Variants in DTL observed in about 807,000 individuals in gnomAD.
The protein encoded by DTL is denticleless protein homolog.
In DTL, 46 loss-of-function variants were observed where a neutral mutation model predicts 87.0. The observed-to-expected ratio is 0.53, with a 90% CI of 0.42 to 0.68. The LOEUF (loss-of-function observed/expected upper bound fraction) is 0.68, where lower values mean the gene tolerates loss of function less well. Ranked by LOEUF, DTL falls within the 30% of genes least tolerant of loss-of-function variation. The probability of loss-of-function intolerance (pLI) is 0.00; values close to 1 mark genes in which losing one functional copy is unlikely to be tolerated. For synonymous variants in DTL, 308 were observed against 311.2 expected (o/e 0.99, Z 0.11); for missense variants, 737 against 869.4 (o/e 0.85, Z 1.91).
chr1:212,050,169 T>C (rs1165747238), intron 5 of DTL, among the ~76,000 whole-genome samples: 1 of 152,132 alleles, frequency 6.6e-6, no homozygotes, highest in Non-Finnish European at 1.5e-5. Flanking sequence ...AGACCCAGTC[T>C]CAAAATAAAT....
intron 7 of DTL, among the ~76,000 whole-genome samples, chr1:212,065,579 C>T (rs749294962): frequency 3.3e-5 from 5 of 151,970 alleles, no homozygotes; most frequent in Non-Finnish European, 7.4e-5. Context: ...CAAACACACC[C>T]CTATAGTATA....
chr1:212,060,252 TA>T, intron 5 of DTL, among the ~76,000 whole-genome samples: 1 of 151,986 alleles, frequency 6.6e-6, no homozygotes, highest in East Asian at 1.9e-4. Flanking sequence ...ATATAATAAC[TA>T]AAACAGCATG....
intron 10 of DTL, among the ~76,000 whole-genome samples, chr1:212,069,198 AC>A (rs1199867796): frequency 6.6e-6 from 1 of 151,696 alleles, no homozygotes; most frequent in African/African-American, 2.4e-5. Flanking sequence ...AGAATCTGAT[AC>A]TTAAAACTAA....
At chr1:212,090,291 A>G (rs1209955165) in intron 13 of DTL, among the ~76,000 whole-genome samples, 1 of 152,220 alleles carries the variant, frequency 6.6e-6, no homozygotes, top group Non-Finnish European at 1.5e-5. Flanking sequence ...TAGGAGTGAA[A>G]AACACAGGGT....
chr1:212,096,347 TTTG>T (rs141760209), intron 13 of DTL, among the ~76,000 whole-genome samples: 68,293 of 151,640 alleles, frequency 0.45, 15,655 homozygotes, highest in East Asian at 0.61. Context: ...TCTTTTGTAT[TTTG>T]TTGTTGTTGT....
intron 11 of DTL, 62 bp from the exon 12 acceptor site, chr1:212,078,111 A>G: frequency 2.0e-6 from 2 of 988,558 alleles, no homozygotes; most frequent in South Asian, 1.3e-5. Flanking sequence ...TCTGAATTCA[A>G]AGGCCTCTAT....
rs1321246377 is a variant in DTL at position 212,100,330 on chromosome 1, C to A, written c.1340C>A (p.Ser447Tyr). Reference sequence around the variant, plus strand: ...AATCCATCCAATTCTTCCCCGTCATCCGCAGCTTGTGCCCCAAGCTGTGCT... The same window carrying A: ...AATCCATCCAATTCTTCCCCGTCATACGCAGCTTGTGCCCCAAGCTGTGCT... ...KCNPSNSSPSSAACAPSCAGD... is the reference protein window; with the variant it reads ...KCNPSNSSPSYAACAPSCAGD... The change falls in exon 14 of 15, where the codon TCC becomes TAC. Residue 447 changes from serine (S) to tyrosine (Y), a missense_variant. By Grantham distance (144) the Ser-to-Tyr change is moderately radical (BLOSUM62 -2). Transcript: ENST00000366991. 2 of 1,613,390 alleles carry A rather than the reference C, an allele frequency of 1.2e-6. No individual in the cohort carries two copies. The highest frequency in any genetic ancestry group is 1.7e-4 in the Middle Eastern group (1 of 6,060).
At position 212,058,822 on chromosome 1, in the gene DTL, G is replaced by C. The variant is rs565059017; in HGVS notation, c.461-4062G>C. Among the ~76,000 whole-genome samples, 3 of 151,896 alleles carry C rather than the reference G, an allele frequency of 2.0e-5. No homozygotes were observed. The East Asian group carries it at 5.8e-4, about 29-fold the overall frequency. ...CTAACCACGAAAAAAAAGAAAGATG[G>C]TCTTAAATAAAATCAGAAATGAAAA... On this transcript the variant is annotated intron_variant, in intron 5 of 14. Transcript: ENST00000366991.
chr1:212,075,693 C>T (rs1654806833), intron 11 of DTL, among the ~76,000 whole-genome samples: 1 of 152,134 alleles, frequency 6.6e-6, no homozygotes, highest in African/African-American at 2.4e-5. Context: ...ACACGCCCTT[C>T]CTCCCATTTT....
chr1:212,102,865 G>T lies in DTL; in HGVS notation c.2118G>T (p.Met706Ile), dbSNP rs773353350. The T allele has an allele frequency of 6.2e-7, 1 of 1,612,470 alleles. No homozygotes were observed. ...AGGTCACCATCACGCCCAGCTCCAT[G>T]AGGAAAATCTGCACATACTTCCATA... is the stretch of plus-strand genomic sequence containing the variant. The part of the protein sequence containing the change: ...PSPVTITPSS[M>I]RKICTYFHRK... The change falls in exon 15 of 15, where the codon ATG (methionine) becomes ATT (isoleucine). Residue 706 changes from methionine (M) to isoleucine (I), a missense_variant. Physicochemically the swap from Met to Ile is conservative, Grantham distance 10. Transcript: ENST00000366991.
intron 6 of DTL, 92 bp from the exon 7 acceptor site, chr1:212,064,825 C>T: frequency 9.4e-7 from 1 of 1,060,572 alleles, no homozygotes; most frequent in Non-Finnish European, 1.4e-6. Flanking sequence ...CCAACTTGGT[C>T]AAAAATTACT....
intron 13 of DTL, among the ~76,000 whole-genome samples, chr1:212,097,530 T>G (rs1655486777): frequency 6.6e-6 from 1 of 152,234 alleles, no homozygotes; most frequent in Non-Finnish European, 1.5e-5. Context: ...TCCAGTGTAT[T>G]TTGCATTTCT....
chr1:212,071,842 A>G (rs1278168604), intron 10 of DTL, among the ~76,000 whole-genome samples: 3 of 151,954 alleles, frequency 2.0e-5, no homozygotes, highest in Non-Finnish European at 4.4e-5. Flanking sequence ...TTTCCCTCCA[A>G]TTTTTTTCTC....
intron 3 of DTL, 119 bp from the exon 4 acceptor site, chr1:212,047,032 C>CT (rs1345272136): frequency 1.2e-6 from 1 of 834,090 alleles, no homozygotes; most frequent in African/African-American, 1.7e-5. Context: ...TTGCATTTCT[C>CT]TAATGATCAA....
chr1:212,064,776 G>A (rs1654441565), intron 6 of DTL, 141 bp from the exon 7 acceptor site: 1 of 655,910 alleles, frequency 1.5e-6, no homozygotes, highest in African/African-American at 1.8e-5. Context: ...CTCACCACAG[G>A]AGATGTAGTG....
chr1:212,071,551 A>G (rs781025117), intron 10 of DTL, among the ~76,000 whole-genome samples: 1 of 152,342 alleles, frequency 6.6e-6, no homozygotes, highest in African/African-American at 2.4e-5. Context: ...ATAAGCTATT[A>G]GTAAGTTTTA....
At chr1:212,099,788 T>C (rs6683980) in intron 13 of DTL, 146,284 of 153,320 alleles carry the variant, frequency 0.95, 69,849 homozygotes, top group East Asian at 1. Context: ...TATGTTCCTG[T>C]GATAGTTCTT....
At chr1:212,078,572 A>G (rs1174490729) in intron 12 of DTL, among the ~76,000 whole-genome samples, 1 of 152,178 alleles carries the variant, frequency 6.6e-6, no homozygotes, top group African/African-American at 2.4e-5. Context: ...TAAAAATACA[A>G]TCTAAGGTGA....
intron 13 of DTL, among the ~76,000 whole-genome samples, chr1:212,092,830 A>C (rs965075154): frequency 2.0e-5 from 3 of 152,058 alleles, no homozygotes; most frequent in African/African-American, 7.2e-5. Flanking sequence ...TTAGTTCTTT[A>C]CAGAATCTCT....
Sources: gnomAD v4.1 joint callset for allele counts (sites outside exome capture counted in the v4.1 genomes callset) on GRCh38, gnomAD v4.1.1 for gene constraint, MANE v1.5 for transcripts, NCBI Gene and HGNC (gene_info 2026-07-23, HGNC 2026-07-21) for gene names.